Variants in GBE1 observed in about 807,000 individuals in gnomAD.
GBE1 encodes 1,4-alpha-glucan branching enzyme 1.
A neutral mutation model predicts 88.8 loss-of-function variants in GBE1; 70 were observed. The observed-to-expected ratio is 0.79, with a 90% confidence interval of 0.65 to 0.96. The LOEUF is 0.96. GBE1 is among the 40% of genes least tolerant of loss of function. GBE1 has a pLI of 0.00. For missense variants in GBE1, 872 were observed against 871.0 expected, an observed-to-expected ratio of 1.00 and a Z score of -0.01; for synonymous variants, 284 against 300.1, an observed-to-expected ratio of 0.95 and a Z score of 0.56.
intron 14 of GBE1, among the ~76,000 whole-genome samples, chr3:81,510,489 T>C (rs1329729281): frequency 6.6e-6 from 1 of 152,102 alleles, no homozygotes; most frequent in African/African-American, 2.4e-5. Flanking sequence ...AAGCAAAGCT[T>C]GCAGGTGTGC....
intron 14 of GBE1, among the ~76,000 whole-genome samples, chr3:81,525,726 T>C (rs1416372269): frequency 6.6e-6 from 1 of 152,096 alleles, no homozygotes; most frequent in African/African-American, 2.4e-5. Context: ...TATTGGTCTA[T>C]TCAGAGATTC....
At chr3:81,573,747 T>C (rs1322305983) in intron 12 of GBE1, among the ~76,000 whole-genome samples, 1 of 141,950 alleles carries the variant, frequency 7.0e-6, no homozygotes, top group African/African-American at 2.8e-5. Context: ...TCTAAGTCAA[T>C]TTGCCTTCTC....
chr3:81,559,254 C>A (rs1703389023), intron 12 of GBE1, among the ~76,000 whole-genome samples: 1 of 151,822 alleles, frequency 6.6e-6, no homozygotes, highest in Admixed American at 6.6e-5. Context: ...CCCTTCTGCC[C>A]TAAAAGAAAA....
intron 1 of GBE1, among the ~76,000 whole-genome samples, chr3:81,758,715 C>T (rs530106099): frequency 6.6e-6 from 1 of 152,290 alleles, no homozygotes; most frequent in South Asian, 2.1e-4. Context: ...AATGAGACAA[C>T]ATGGAGGTGG....
intron 12 of GBE1, among the ~76,000 whole-genome samples, chr3:81,550,364 C>T (rs961739593): frequency 6.0e-5 from 9 of 151,242 alleles, no homozygotes; most frequent in African/African-American, 2.2e-4. Context: ...AGAGACCTAA[C>T]AGTTAGGTAG....
chr3:81,726,859 C>T (rs774341476), intron 1 of GBE1, among the ~76,000 whole-genome samples: 39 of 152,064 alleles, frequency 2.6e-4, no homozygotes, highest in Non-Finnish European at 5.3e-4. Context: ...GGATTATAGG[C>T]GTGAGCCACC....
intron 2 of GBE1, among the ~76,000 whole-genome samples, chr3:81,675,059 G>A (rs1705234047): frequency 6.6e-6 from 1 of 151,892 alleles, no homozygotes; most frequent in African/African-American, 2.4e-5. Context: ...CTTTGGTGAG[G>A]CCTAATAATT....
intron 10 of GBE1, among the ~76,000 whole-genome samples, chr3:81,585,403 C>T (rs544689997): frequency 3.4e-4 from 52 of 152,038 alleles, no homozygotes; most frequent in African/African-American, 1.2e-3. Flanking sequence ...ATATATCTGA[C>T]TCCTTATATA....
chr3:81,537,187 T>A (rs951765651), intron 12 of GBE1, 92 bp from the exon 13 acceptor site: 1 of 891,222 alleles, frequency 1.1e-6, no homozygotes, highest in Non-Finnish European at 1.6e-6. Flanking sequence ...TAATGTTTTT[T>A]AAATTTAGTT....
intron 12 of GBE1, among the ~76,000 whole-genome samples, chr3:81,560,411 T>C (rs1349035406): frequency 6.6e-6 from 1 of 151,942 alleles, no homozygotes; most frequent in Non-Finnish European, 1.5e-5. Flanking sequence ...CTGCCTACTA[T>C]GCTGGGAAGG....
chr3:81,736,438 A>G (rs1404756269), intron 1 of GBE1, among the ~76,000 whole-genome samples: 1 of 152,192 alleles, frequency 6.6e-6, no homozygotes, highest in East Asian at 1.9e-4. Context: ...ACTCCTATAC[A>G]TAAATTTGGC....
chr3:81,545,640 G>A (rs2106884769), intron 12 of GBE1, among the ~76,000 whole-genome samples: 1 of 148,986 alleles, frequency 6.7e-6, no homozygotes, highest in East Asian at 1.9e-4. Flanking sequence ...GTGTGTGTAT[G>A]TGTGTGCATG....
At chr3:81,721,193 G>A (rs1467548805) in intron 1 of GBE1, among the ~76,000 whole-genome samples, 2 of 76,680 alleles carry the variant, frequency 2.6e-5, no homozygotes, top group Non-Finnish European at 2.4e-5. Flanking sequence ...CTAAAACTTA[G>A]AGTATAATAA....
intron 1 of GBE1, among the ~76,000 whole-genome samples, chr3:81,716,057 A>C (rs965108340): frequency 6.6e-6 from 1 of 152,184 alleles, no homozygotes; most frequent in Admixed American, 6.6e-5. Context: ...AATTTTATTC[A>C]TATTGTACCA....
At chr3:81,562,864 A>T (rs1703438152) in intron 12 of GBE1, among the ~76,000 whole-genome samples, 1 of 150,976 alleles carries the variant, frequency 6.6e-6, no homozygotes, top group African/African-American at 2.4e-5. Flanking sequence ...GGTCACTTTC[A>T]TCTTTTTTTT....
chr3:81,504,251 A>C (rs1429156926), intron 14 of GBE1, among the ~76,000 whole-genome samples: 1 of 152,056 alleles, frequency 6.6e-6, no homozygotes, highest in Non-Finnish European at 1.5e-5. Flanking sequence ...GAAAATGACA[A>C]GAGAAGAATA....
intron 13 of GBE1, among the ~76,000 whole-genome samples, chr3:81,535,970 C>T (rs947306090): frequency 6.6e-6 from 1 of 151,988 alleles, no homozygotes; most frequent in Non-Finnish European, 1.5e-5. Context: ...CACCCTCACT[C>T]AGCCCCAGCT....
chr3:81,561,733 C>A (rs1038384118), intron 12 of GBE1, among the ~76,000 whole-genome samples: 3 of 152,026 alleles, frequency 2.0e-5, no homozygotes, highest in African/African-American at 7.2e-5. Flanking sequence ...CAATCTCCTG[C>A]AAAACCCTTC....
intron 12 of GBE1, among the ~76,000 whole-genome samples, chr3:81,546,475 C>G (rs1209499707): frequency 6.6e-6 from 1 of 151,846 alleles, no homozygotes; most frequent in Non-Finnish European, 1.5e-5. Context: ...GATGCTTAGG[C>G]ATTCTAAGTC....
Sources: gnomAD v4.1 joint callset for allele counts (sites outside exome capture counted in the v4.1 genomes callset) on GRCh38, gnomAD v4.1.1 for gene constraint, MANE v1.5 for transcripts, NCBI Gene and HGNC (gene_info 2026-07-23, HGNC 2026-07-21) for gene names.